TSGA10: variants seen among roughly 807,000 people sequenced by gnomAD.
TSGA10 encodes testis specific 10.
TSGA10 carries 43 observed loss-of-function variants against 96.6 expected under a neutral mutation model. That is an observed-to-expected ratio of 0.44 (90% CI 0.35 to 0.57). The LOEUF (loss-of-function observed/expected upper bound fraction) is 0.57. Among genes scored for constraint, TSGA10 ranks in the 20% least tolerant of loss-of-function variants. The pLI, the probability that TSGA10 is intolerant of heterozygous loss-of-function variation, is 0.01. For missense variants in TSGA10, 703 were observed against 834.4 expected (o/e 0.84, Z 1.94); for synonymous variants, 229 against 269.9 (o/e 0.85, Z 1.48).
intron 10 of TSGA10, among the ~76,000 whole-genome samples, chr2:99,096,700 T>C (rs1250974797): frequency 1.3e-5 from 2 of 152,174 alleles, no homozygotes; most frequent in East Asian, 3.8e-4. Flanking sequence ...TGTTCATCAC[T>C]GGGAAACGAG....
chr2:99,113,552 T>C (rs1384585155), intron 4 of TSGA10, among the ~76,000 whole-genome samples: 1 of 152,104 alleles, frequency 6.6e-6, no homozygotes, highest in Non-Finnish European at 1.5e-5. Context: ...AGCTTTTTTG[T>C]TGTTGTTTTT....
chr2:99,127,983 C>A (rs745735798), intron 1 of TSGA10, among the ~76,000 whole-genome samples: 1 of 152,150 alleles, frequency 6.6e-6, no homozygotes, highest in Non-Finnish European at 1.5e-5. Context: ...TTCTGCATCA[C>A]GCTATTTTAC....
intron 1 of TSGA10, among the ~76,000 whole-genome samples, chr2:99,145,433 C>G (rs2093621699): frequency 6.6e-6 from 1 of 152,078 alleles, no homozygotes; most frequent in Non-Finnish European, 1.5e-5. Flanking sequence ...GTGGCAGGCA[C>G]CTGTAATCCC....
At chr2:99,046,926 C>A (rs2082839006) in intron 16 of TSGA10, among the ~76,000 whole-genome samples, 1 of 152,186 alleles carries the variant, frequency 6.6e-6, no homozygotes. Flanking sequence ...AAACTACCAT[C>A]AGAGAATACT....
Position 99,101,879 on chromosome 2 carries a change from T to C in TSGA10, c.611+2088A>G, listed in dbSNP as rs191993427. On this transcript the variant is annotated intron_variant, in intron 10 of 20. Coordinates refer to ENST00000393483, the MANE Select transcript of TSGA10 (RefSeq NM_025244.4). ...AAAGTAAAATGGTAGTTGCCAAGGA[T>C]TGACTGGAGGGGGAAATAGGGAGTG... The C allele has an allele frequency of 7.1e-4, 401 of 567,228 alleles. 5 individuals carry two copies. Among genetic ancestry groups the C allele is most frequent in the African/African-American group, 6.8e-3 (363 of 53,208 alleles). 35.1% of individuals were successfully genotyped at this position (567,228 alleles called of 1,614,324 possible).
chr2:99,016,968 C>A (rs546278492), intron 20 of TSGA10, among the ~76,000 whole-genome samples: 1 of 152,112 alleles, frequency 6.6e-6, no homozygotes, highest in East Asian at 1.9e-4. Context: ...CTTACTCCTG[C>A]AAGAATGGCC....
chr2:99,117,586 A>T lies in TSGA10; in HGVS notation c.-182T>A, dbSNP rs1260947954. ...CCTTGTTGGCGGAATCCACCACAAAATTTTTCTCTTTTTCGAGTTGCTCTG... is the reference window on the plus strand; with the variant it reads ...CCTTGTTGGCGGAATCCACCACAAATTTTTTCTCTTTTTCGAGTTGCTCTG... On this transcript the variant is annotated 5_prime_UTR_variant, in exon 4 of 21. Transcript: ENST00000393483. 1.0e-6 allele frequency: 1 copy of T among 985,620 alleles called. No homozygotes were observed. The highest frequency in any genetic ancestry group is 1.7e-5 in the African/African-American group (1 of 57,204). The allele number at this position is 985,620 out of a possible 1,614,324, so 61.1% of individuals were successfully genotyped here.
chr2:99,147,953 ATAT>A (rs1256115547), intron 1 of TSGA10, among the ~76,000 whole-genome samples: 6 of 152,208 alleles, frequency 3.9e-5, no homozygotes, highest in Non-Finnish European at 8.8e-5. Context: ...CATTGATCCA[ATAT>A]TATTATCTAA....
chr2:99,017,626 G>A (rs889437663), intron 20 of TSGA10, among the ~76,000 whole-genome samples: 15 of 151,630 alleles, frequency 9.9e-5, no homozygotes, highest in African/African-American at 2.2e-4. Context: ...TTAGCCGGGC[G>A]TAGTGGCGGG....
At chr2:99,068,769 A>G (rs2085566561) in intron 15 of TSGA10, 119 bp downstream of exon 15, 1 of 436,264 alleles carries the variant, frequency 2.3e-6, no homozygotes, top group Non-Finnish European at 4.1e-6. Flanking sequence ...TGTCAAAACT[A>G]AAATATACTA....
intron 16 of TSGA10, among the ~76,000 whole-genome samples, chr2:99,041,353 C>A (rs2082165782): frequency 6.6e-6 from 1 of 152,162 alleles, no homozygotes; most frequent in South Asian, 2.1e-4. Context: ...CACCAGGGAA[C>A]AAGCATTTCT....
intron 16 of TSGA10, among the ~76,000 whole-genome samples, chr2:99,041,397 C>G (rs1010448257): frequency 6.6e-6 from 1 of 152,146 alleles, no homozygotes; most frequent in South Asian, 2.1e-4. Flanking sequence ...GCAAAAAGAA[C>G]AAATCTGGAG....
At chr2:99,046,713 AACT>A (rs2082811151) in intron 16 of TSGA10, among the ~76,000 whole-genome samples, 1 of 152,220 alleles carries the variant, frequency 6.6e-6, no homozygotes, top group African/African-American at 2.4e-5. Flanking sequence ...GGCAAGAAAT[AACT>A]AAGAACAGAG....
chr2:99,065,975 GGT>G (rs2085223986), intron 15 of TSGA10, among the ~76,000 whole-genome samples: 1 of 152,074 alleles, frequency 6.6e-6, no homozygotes, highest in Non-Finnish European at 1.5e-5. Context: ...ATTTTATTAT[GGT>G]TTGGTGAATT....
chr2:99,036,902 A>T (rs534728042), intron 16 of TSGA10, among the ~76,000 whole-genome samples: 3 of 152,188 alleles, frequency 2.0e-5, no homozygotes, highest in Non-Finnish European at 4.4e-5. Flanking sequence ...GATTGTAAAA[A>T]GTTAATTTTC....
intron 1 of TSGA10, among the ~76,000 whole-genome samples, chr2:99,152,726 G>A (rs574172540): frequency 5.6e-4 from 85 of 152,316 alleles, no homozygotes; most frequent in African/African-American, 1.7e-3. Flanking sequence ...TGGAGAGAAG[G>A]GGATAGAGTC....
At chr2:99,114,201 T>C (rs1243536601) in intron 4 of TSGA10, among the ~76,000 whole-genome samples, 2 of 152,130 alleles carry the variant, frequency 1.3e-5, no homozygotes, top group Admixed American at 6.5e-5. Context: ...AAATATTTTT[T>C]CTCAGCAATC....
Position 99,081,352 on chromosome 2 carries a change from T to C in TSGA10, c.657A>G (p.Arg219=), listed in dbSNP as rs1344979580. The C allele has an allele frequency of 1.3e-6, 2 of 1,595,440 alleles. No individual in the cohort carries two copies. The highest frequency in any genetic ancestry group is 2.2e-5 in the East Asian group (1 of 44,478). ...NTEKDLSDTQ[R]HLAKKKYELQ... ...GCTCATATTTTTTCTTAGCAAGGTG[T>C]CGCTGAGTATCAGAAAGATCTTTTT... The change falls in exon 11 of 21, where the codon CGA becomes CGG. Residue 219 remains arginine (R), a synonymous_variant. Coordinates refer to ENST00000393483, the MANE Select transcript of TSGA10 (RefSeq NM_025244.4).
intron 13 of TSGA10, among the ~76,000 whole-genome samples, chr2:99,072,805 T>A (rs941490421): frequency 2.0e-5 from 3 of 152,220 alleles, no homozygotes; most frequent in African/African-American, 4.8e-5. Context: ...TCTTTGCTAT[T>A]CTTTCTACTT....
Sources: gnomAD v4.1 joint callset for allele counts (sites outside exome capture counted in the v4.1 genomes callset) on GRCh38, gnomAD v4.1.1 for gene constraint, MANE v1.5 for transcripts, NCBI Gene and HGNC (gene_info 2026-07-23, HGNC 2026-07-21) for gene names.